ADSL: variants seen among roughly 807,000 people sequenced by gnomAD.
The protein encoded by ADSL is adenylosuccinase.
ADSL carries 44 observed loss-of-function variants against 62.1 expected under a neutral mutation model. The ratio of observed to expected loss-of-function variants is 0.71; its 90% confidence interval spans 0.56 to 0.91. The LOEUF (loss-of-function observed/expected upper bound fraction) is 0.91, where lower values mean the gene tolerates loss of function less well. ADSL is among the 40% of genes least tolerant of loss of function. The pLI is 0.00. For synonymous variants in ADSL, 198 were observed against 220.5 expected (o/e 0.90, Z 0.90); for missense variants, 531 against 627.4 (o/e 0.85, Z 1.64).
At chr22:40,371,058 C>A (rs1321577927), downstream of ADSL, among the ~76,000 whole-genome samples, 1 of 152,242 alleles carries the variant, frequency 6.6e-6, no homozygotes, top group African/African-American at 2.4e-5. Flanking sequence ...GCCTGGCTGG[C>A]TCTGGCACCG....
Position 40,360,511 on chromosome 22 carries a change from T to G in ADSL, c.792+19T>G. The stretch of plus-strand genomic sequence containing the variant: ...GCACAAGGTGAGTGGTGGCAGCATG[T>G]GGGGTGGGGACAGGAGCTTTGGGCA... On this transcript the variant is annotated intron_variant, in intron 7 of 12. Coordinates refer to ENST00000623063, the MANE Select transcript of ADSL (RefSeq NM_000026.4). The G allele has an allele frequency of 6.3e-7, 1 of 1,598,800 alleles. No homozygotes were observed. Among genetic ancestry groups the G allele is most frequent in the Non-Finnish European group, 8.6e-7 (1 of 1,166,032 alleles).
intron 2 of ADSL, among the ~76,000 whole-genome samples, chr22:40,381,917 G>A (rs910788235): frequency 1.3e-5 from 2 of 152,182 alleles, no homozygotes; most frequent in Admixed American, 6.5e-5. Context: ...CAAGATTCGC[G>A]CCACTGCACT....
intron 3 of ADSL, 146 bp from the exon 4 acceptor site, chr22:40,354,102 G>T: frequency 1.2e-6 from 1 of 801,096 alleles, no homozygotes; most frequent in Non-Finnish European, 2.2e-6. Flanking sequence ...AGGCACTTTA[G>T]GGTACAAAGA....
At chr22:40,348,423 G>A (rs963222728) in intron 1 of ADSL, 12 of 398,184 alleles carry the variant, frequency 3.0e-5, no homozygotes, top group Middle Eastern at 1.2e-3. Context: ...TGGCTCTGTC[G>A]CCTAGGCTGG....
At chr22:40,363,645 A>C (rs920257839) in intron 10 of ADSL, among the ~76,000 whole-genome samples, 1 of 151,922 alleles carries the variant, frequency 6.6e-6, no homozygotes, top group Non-Finnish European at 1.5e-5. Context: ...CTGAGGCAGG[A>C]AAATTGCTTG....
intron 2 of ADSL, among the ~76,000 whole-genome samples, chr22:40,382,012 TA>T (rs2047655165): frequency 6.6e-6 from 1 of 152,146 alleles, no homozygotes; most frequent in African/African-American, 2.4e-5. Context: ...CAGATCAGAA[TA>T]AAAGCTCCAC....
At chr22:40,377,532 A>G (rs1236123675) in intron 2 of ADSL, among the ~76,000 whole-genome samples, 1 of 152,196 alleles carries the variant, frequency 6.6e-6, no homozygotes, top group Non-Finnish European at 1.5e-5. Flanking sequence ...GCATGAGGTC[A>G]TGTCATGTAA....
In ADSL at chr22:40,365,058, T is replaced by TAAGC. The variant is rs1289882302; in HGVS notation, c.1368+3_1368+6dup. 6.2e-7 allele frequency: 1 copy of TAAGC among 1,612,800 alleles called. No individual in the cohort carries two copies. The highest frequency in any genetic ancestry group is 1.7e-4 in the Middle Eastern group (1 of 5,750). ...TTCACTGGTCGTGCCTCCCAGCAGGTAAGCTTCCAAGAAGCCTCTTTTCTG... is the reference window on the plus strand; with the variant it reads ...TTCACTGGTCGTGCCTCCCAGCAGGTAAGCAAGCTTCCAAGAAGCCTCTTTTCTG... On this transcript the variant is annotated splice_region_variant and intron_variant, in intron 12 of 12. Transcript: ENST00000623063.
chr22:40,384,452 C>A (rs532350837), intron 2 of ADSL, among the ~76,000 whole-genome samples: 1 of 152,096 alleles, frequency 6.6e-6, no homozygotes, highest in East Asian at 1.9e-4. Flanking sequence ...CCCCCATCTC[C>A]AATAAATAAA....
intron 4 of ADSL, 23 bp from the exon 5 acceptor site, chr22:40,358,841 G>T (rs10427931): frequency 1.9e-6 from 3 of 1,613,740 alleles, no homozygotes; most frequent in East Asian, 4.5e-5. Context: ...TGAGACTTTC[G>T]TGTGTTCTCT....
At chr22:40,349,798 G>T in intron 1 of ADSL, 34 bp from the exon 2 acceptor site, 1 of 1,583,642 alleles carries the variant, frequency 6.3e-7, no homozygotes. Flanking sequence ...CTGTGACACT[G>T]AGACTATTTT....
At chr22:40,359,422 C>A in intron 6 of ADSL, 116 bp downstream of exon 6, 2 of 924,164 alleles carry the variant, frequency 2.2e-6, no homozygotes, top group Non-Finnish European at 3.5e-6. Flanking sequence ...TTCTTCTACC[C>A]ATTTTTTTTT....
chr22:40,376,180 T>A, intron 2 of ADSL: 1 of 8,938 alleles, frequency 1.1e-4, no homozygotes. Flanking sequence ...AATTACCACT[T>A]TTTTTTTTTT....
rs752659791 is a variant in ADSL, at chr22:40,354,259, G to C, written c.414G>C (p.Val138=). Residue 138 remains valine (V), a synonymous_variant, in exon 4 of 13, where the codon GTG becomes GTC. Coordinates refer to ENST00000623063, the MANE Select transcript of ADSL (RefSeq NM_000026.4). ...GATCTTTCTTGTAGCTTGCCAGAGTGATCTCTCGGCTTGCCGACTTTGCTA... is the reference window on the plus strand; with the variant it reads ...GATCTTTCTTGTAGCTTGCCAGAGTCATCTCTCGGCTTGCCGACTTTGCTA... ...LDLLLPKLAR[V]ISRLADFAKE... 5 of 1,614,120 alleles carry C rather than the reference G, an allele frequency of 3.1e-6. No homozygotes were observed. Among genetic ancestry groups the C allele is most frequent in the Non-Finnish European group, 4.2e-6 (5 of 1,179,992 alleles).
At chr22:40,361,066 C>G (rs1299635572) in intron 7 of ADSL, 1 of 658,094 alleles carries the variant, frequency 1.5e-6, no homozygotes, top group Non-Finnish European at 2.8e-6. Flanking sequence ...CGTTTTCATG[C>G]TCCTTGAATT....
intron 1 of ADSL, among the ~76,000 whole-genome samples, chr22:40,347,878 G>T (rs921034468): frequency 1.3e-5 from 2 of 152,224 alleles, no homozygotes; most frequent in Non-Finnish European, 2.9e-5. Flanking sequence ...CCTTAATCAT[G>T]TGTTGTGGTT....
chr22:40,361,460 G>T, intron 8 of ADSL, 28 bp from the exon 9 acceptor site: 1 of 1,614,094 alleles, frequency 6.2e-7, no homozygotes, highest in Non-Finnish European at 8.5e-7. Context: ...CTCTGCCTTT[G>T]CATCTTGTCC....
At chr22:40,347,825 A>G (rs73885689) in intron 1 of ADSL, among the ~76,000 whole-genome samples, 1,822 of 152,354 alleles carry the variant, frequency 0.012, 34 homozygotes, top group African/African-American at 0.042. Context: ...AGAATGAAGC[A>G]TCAACTTAAT....
intron 4 of ADSL, among the ~76,000 whole-genome samples, chr22:40,358,089 TG>T (rs1048335523): frequency 3.9e-5 from 6 of 152,348 alleles, no homozygotes; most frequent in Non-Finnish European, 8.8e-5. Context: ...AATCTTGTTT[TG>T]TTTTCTTTTT....
Sources: allele counts gnomAD v4.1 joint callset (sites outside exome capture counted in the v4.1 genomes callset), GRCh38; gene constraint gnomAD v4.1.1; transcripts MANE v1.5; gene names NCBI Gene and HGNC (gene_info 2026-07-23, HGNC 2026-07-21).